Variants in KATNAL2 observed in about 807,000 individuals in gnomAD.
The protein encoded by KATNAL2 is katanin catalytic subunit A1 like 2.
Under a neutral mutation model 76.3 loss-of-function variants are expected in KATNAL2, and 52 were observed. The observed-to-expected ratio is 0.68, with a 90% CI of 0.55 to 0.86. KATNAL2 has a LOEUF of 0.86. Ranked by LOEUF, KATNAL2 falls within the 40% of genes least tolerant of loss-of-function variation. The pLI is 0.00. For missense variants in KATNAL2, 660 were observed against 668.9 expected (o/e 0.99, Z 0.15); for synonymous variants, 243 against 244.2 (o/e 1.00, Z 0.05).
intron 3 of KATNAL2, among the ~76,000 whole-genome samples, chr18:46,955,713 G>A (rs1401010475): frequency 6.6e-6 from 1 of 152,020 alleles, no homozygotes; most frequent in South Asian, 2.1e-4. Context: ...CACTATTCCC[G>A]GCTAATTTTT....
chr18:47,082,506 C>T (rs2062576657), intron 15 of KATNAL2, among the ~76,000 whole-genome samples: 1 of 152,128 alleles, frequency 6.6e-6, no homozygotes, highest in Admixed American at 6.5e-5. Context: ...AATAAAATAA[C>T]TGAACTTGGT....
chr18:46,961,192 A>C (rs1231648969), intron 3 of KATNAL2, among the ~76,000 whole-genome samples: 1 of 151,302 alleles, frequency 6.6e-6, no homozygotes, highest in East Asian at 2.0e-4. Flanking sequence ...TGGTGGCTCC[A>C]GGCCATCTGG....
At chr18:46,954,326 CTTTT>C (rs57075892) in intron 3 of KATNAL2, among the ~76,000 whole-genome samples, 3 of 121,126 alleles carry the variant, frequency 2.5e-5, no homozygotes, top group South Asian at 2.6e-4. Flanking sequence ...TCTTCTTCGT[CTTTT>C]TTTTTTTTTT....
At chr18:46,953,376 A>C (rs1023825757) in intron 3 of KATNAL2, among the ~76,000 whole-genome samples, 1 of 152,198 alleles carries the variant, frequency 6.6e-6, no homozygotes, top group Admixed American at 6.5e-5. Flanking sequence ...ATAGTGGCTC[A>C]CACCACTAAT....
intron 3 of KATNAL2, among the ~76,000 whole-genome samples, chr18:47,031,161 C>T (rs1157525876): frequency 1.4e-5 from 2 of 145,460 alleles, no homozygotes; most frequent in Non-Finnish European, 3.0e-5. Context: ...GTTTCATCTC[C>T]TGTGACCAAT....
At chr18:46,921,219 C>T (rs572878570) in intron 1 of KATNAL2, among the ~76,000 whole-genome samples, 1 of 152,336 alleles carries the variant, frequency 6.6e-6, no homozygotes, top group South Asian at 2.1e-4. Context: ...CCTCTGCCCC[C>T]CCGAATTTAA....
At position 47,035,024 on chromosome 18, in the gene KATNAL2, G is replaced by A. The variant is rs1322717725; in HGVS notation, c.52-11433G>A. On this transcript the variant is annotated intron_variant, in intron 3 of 17. Coordinates refer to ENST00000683218, the MANE Select transcript of KATNAL2 (RefSeq NM_001387690.1). ...TCCTGTGGGCCAGGCCGGGTGTTTCGGTCCACGAGCACCAGCTTCTTCCAC... is the reference window on the plus strand; with the variant it reads ...TCCTGTGGGCCAGGCCGGGTGTTTCAGTCCACGAGCACCAGCTTCTTCCAC... The A allele has an allele frequency of 5.6e-6, 9 of 1,611,514 alleles. No individual in the cohort carries two copies. The African/African-American group carries it at 8.0e-5, about 14-fold the overall frequency.
intron 3 of KATNAL2, among the ~76,000 whole-genome samples, chr18:46,949,643 T>C (rs1436493401): frequency 6.6e-6 from 1 of 152,234 alleles, no homozygotes; most frequent in Non-Finnish European, 1.5e-5. Flanking sequence ...ATTCATCCGA[T>C]TGCTCAAATC....
At chr18:47,099,829 C>T (rs1010639045) in intron 16 of KATNAL2, among the ~76,000 whole-genome samples, 1 of 152,156 alleles carries the variant, frequency 6.6e-6, no homozygotes, top group Non-Finnish European at 1.5e-5. Context: ...GGTGTCCATT[C>T]CCAGGGTGTT....
At chr18:46,931,228 A>G (rs2146551847) in intron 1 of KATNAL2, among the ~76,000 whole-genome samples, 1 of 151,434 alleles carries the variant, frequency 6.6e-6, no homozygotes, top group African/African-American at 2.4e-5. Flanking sequence ...TGAACCCAGG[A>G]AGCGGAGGTT....
chr18:47,076,324 C>T (rs1247979546), intron 14 of KATNAL2: 3 of 152,204 alleles, frequency 2.0e-5, no homozygotes, highest in Non-Finnish European at 4.4e-5. Flanking sequence ...AGGACATTTT[C>T]CTCAGCTTAA....
intron 3 of KATNAL2, among the ~76,000 whole-genome samples, chr18:47,032,210 C>T (rs2060498742): frequency 1.3e-5 from 2 of 152,204 alleles, no homozygotes; most frequent in African/African-American, 2.4e-5. Flanking sequence ...CAGTGATTAC[C>T]ATTCACTTAT....
chr18:46,957,486 A>C (rs2059794440), intron 3 of KATNAL2, among the ~76,000 whole-genome samples: 1 of 148,872 alleles, frequency 6.7e-6, no homozygotes, highest in Admixed American at 6.7e-5. Context: ...CATCTACTGA[A>C]CTCGTGATCT....
chr18:47,052,537 C>T (rs1018650133), intron 4 of KATNAL2, among the ~76,000 whole-genome samples: 1 of 152,136 alleles, frequency 6.6e-6, no homozygotes, highest in African/African-American at 2.4e-5. Flanking sequence ...GGGCAGATAC[C>T]CATTTTAGGC....
chr18:46,943,254 G>A (rs2059296961), intron 1 of KATNAL2, among the ~76,000 whole-genome samples: 2 of 152,046 alleles, frequency 1.3e-5, no homozygotes, highest in African/African-American at 4.8e-5. Flanking sequence ...TTCTTTTCCA[G>A]TAATTTTGTC....
rs376877321 is a variant in KATNAL2 at position 47,043,245 on chromosome 18, A to AAAAAAAAAAAAAAAAAAAAAAAT, written c.52-3212_52-3211insAAAAAAAAAAAAAAAAAAAAAAT. Among the ~76,000 whole-genome samples, 605 of 93,020 alleles carry AAAAAAAAAAAAAAAAAAAAAAAT rather than the reference A, an allele frequency of 6.5e-3. 112 individuals are homozygous for AAAAAAAAAAAAAAAAAAAAAAAT. Among genetic ancestry groups the AAAAAAAAAAAAAAAAAAAAAAAT allele is most frequent in the African/African-American group, 9.7e-3 (239 of 24,690 alleles). The allele number at this position is 93,020 out of a possible 152,430, so 61.0% of individuals were successfully genotyped here. A position where few individuals can be genotyped will look rare whatever the true frequency, so the allele number is the denominator to read the frequency against. On this transcript the variant is annotated intron_variant, in intron 3 of 17. Transcript: ENST00000683218. ...CCGTTTCAAAAAAAAAAAAAAAAAAAGAGATCCTAAAAGCTTCCTGGGAAG... is the reference window on the plus strand; with the variant it reads ...CCGTTTCAAAAAAAAAAAAAAAAAAAAAAAAAAAAAAAAAAAAAAAAATGAGATCCTAAAAGCTTCCTGGGAAG...
At chr18:47,034,299 G>T in intron 3 of KATNAL2, 2 of 1,613,512 alleles carry the variant, frequency 1.2e-6, no homozygotes, top group Non-Finnish European at 1.7e-6. Flanking sequence ...CTGGGTCCCG[G>T]CCGTCTAGAC....
At chr18:47,031,696 C>G (rs72919289) in intron 3 of KATNAL2, among the ~76,000 whole-genome samples, 7 of 152,126 alleles carry the variant, frequency 4.6e-5, no homozygotes. Context: ...TCGTCCTGGT[C>G]TTTAACTCCT....
intron 1 of KATNAL2, among the ~76,000 whole-genome samples, chr18:46,939,264 C>T (rs923370438): frequency 7.0e-4 from 106 of 151,022 alleles, no homozygotes; most frequent in African/African-American, 8.3e-4. Flanking sequence ...ACCCGGGAGG[C>T]GGAGGTTGCA....
Sources: allele counts gnomAD v4.1 joint callset (sites outside exome capture counted in the v4.1 genomes callset), GRCh38; gene constraint gnomAD v4.1.1; transcripts MANE v1.5; gene names NCBI Gene and HGNC (gene_info 2026-07-23, HGNC 2026-07-21).